The following SPOCK1 variants were observed in gnomAD, a reference collection of about 807,000 sequenced individuals.
SPOCK1 encodes the protein SPARC (osteonectin), cwcv and kazal like domains proteoglycan 1.
Under a neutral mutation model 55.3 loss-of-function variants are expected in SPOCK1, and 23 were observed. The ratio of observed to expected loss-of-function variants is 0.42; its 90% CI spans 0.30 to 0.59. The LOEUF (loss-of-function observed/expected upper bound fraction) is 0.59. Ranked by LOEUF, SPOCK1 falls within the 20% of genes least tolerant of loss-of-function variation. The probability of loss-of-function intolerance (pLI) is 0.22; values close to 1 mark genes in which losing one functional copy is unlikely to be tolerated. For synonymous variants in SPOCK1, 226 were observed against 221.0 expected (o/e 1.02, Z -0.20); for missense variants, 499 against 552.5 (o/e 0.90, Z 0.97).
At chr5:137,256,840 CAAG>C (rs1387006036) in intron 3 of SPOCK1, among the ~76,000 whole-genome samples, 1 of 152,158 alleles carries the variant, frequency 6.6e-6, no homozygotes, top group African/African-American at 2.4e-5. Flanking sequence ...AAGCAAAAGA[CAAG>C]AAGAGAAGCC....
intron 2 of SPOCK1, among the ~76,000 whole-genome samples, chr5:137,356,051 C>A (rs1750785685): frequency 1.3e-5 from 2 of 152,174 alleles, no homozygotes. Context: ...GAGAGAATAA[C>A]AGATGCCTGA....
chr5:137,121,880 A>T (rs1162603804), intron 4 of SPOCK1, among the ~76,000 whole-genome samples: 1 of 146,470 alleles, frequency 6.8e-6, no homozygotes, highest in Non-Finnish European at 1.5e-5. Context: ...ATATAATTAT[A>T]TATAATTATT....
intron 8 of SPOCK1, among the ~76,000 whole-genome samples, chr5:136,987,218 A>G (rs1392226418): frequency 2.6e-5 from 4 of 152,124 alleles, no homozygotes; most frequent in Non-Finnish European, 5.9e-5. Flanking sequence ...GAAGCCATAA[A>G]ATACAGAGAA....
chr5:137,250,770 G>C (rs1311840352), intron 3 of SPOCK1, among the ~76,000 whole-genome samples: 2 of 152,212 alleles, frequency 1.3e-5, no homozygotes, highest in Non-Finnish European at 2.9e-5. Context: ...GAGTACCAGG[G>C]ATATTTACTA....
chr5:137,468,808 G>C (rs1753674224), intron 2 of SPOCK1, among the ~76,000 whole-genome samples: 1 of 152,140 alleles, frequency 6.6e-6, no homozygotes, highest in African/African-American at 2.4e-5. Context: ...CATGATCACA[G>C]TTACATGCTT....
chr5:137,069,728 G>T (rs1402346975), intron 5 of SPOCK1, among the ~76,000 whole-genome samples: 1 of 152,122 alleles, frequency 6.6e-6, no homozygotes, highest in African/African-American at 2.4e-5. Context: ...GCCTCTTCTG[G>T]GCTAGTTCTC....
chr5:137,412,728 G>T (rs1752236349), intron 2 of SPOCK1, among the ~76,000 whole-genome samples: 1 of 152,164 alleles, frequency 6.6e-6, no homozygotes, highest in Admixed American at 6.5e-5. Context: ...TCCAAGGCAG[G>T]GACTGTGTTG....
chr5:137,095,282 G>A (rs1753124126), intron 5 of SPOCK1, among the ~76,000 whole-genome samples: 1 of 152,160 alleles, frequency 6.6e-6, no homozygotes, highest in Non-Finnish European at 1.5e-5. Flanking sequence ...AGCACCCATT[G>A]TTGAAAAATT....
At chr5:137,117,318 A>C (rs1356660550) in intron 4 of SPOCK1, among the ~76,000 whole-genome samples, 1 of 152,196 alleles carries the variant, frequency 6.6e-6, no homozygotes, top group Admixed American at 6.5e-5. Flanking sequence ...CTTCAAATCC[A>C]TTGCTTTCTG....
At chr5:137,068,651 G>A (rs1752553010) in intron 5 of SPOCK1, among the ~76,000 whole-genome samples, 1 of 152,164 alleles carries the variant, frequency 6.6e-6, no homozygotes, top group Non-Finnish European at 1.5e-5. Flanking sequence ...TATTATTCTT[G>A]CATTATGGAA....
intron 6 of SPOCK1, among the ~76,000 whole-genome samples, chr5:136,999,135 G>A (rs1751101624): frequency 6.6e-6 from 1 of 152,176 alleles, no homozygotes; most frequent in Non-Finnish European, 1.5e-5. Context: ...AGCTTGGAGT[G>A]CAGCATGAGG....
chr5:137,080,370 T>G lies in SPOCK1; in HGVS notation c.475-12541A>C, dbSNP rs907831687. 2.6e-5 allele frequency among the ~76,000 whole-genome samples: 4 copies of G among 152,374 alleles called. No homozygotes were observed. In the South Asian group the frequency reaches 8.3e-4, roughly 32 times the overall value. ...TTTTCTGATGTTTGCTCAGGTCACATGTTTTCACAGTGTTCAGGGCTGTGC... is the reference window on the plus strand; with the variant it reads ...TTTTCTGATGTTTGCTCAGGTCACAGGTTTTCACAGTGTTCAGGGCTGTGC... On this transcript the variant is annotated intron_variant, in intron 5 of 10. Coordinates refer to ENST00000394945, the MANE Select transcript of SPOCK1 (RefSeq NM_004598.4).
chr5:137,202,692 G>A (rs1001228907), intron 3 of SPOCK1, among the ~76,000 whole-genome samples: 8 of 152,150 alleles, frequency 5.3e-5, no homozygotes, highest in African/African-American at 1.9e-4. Flanking sequence ...TTCACTTGAG[G>A]AACTCTGATT....
intron 2 of SPOCK1, among the ~76,000 whole-genome samples, chr5:137,434,152 C>T (rs1270288045): frequency 6.6e-6 from 1 of 152,202 alleles, no homozygotes; most frequent in Non-Finnish European, 1.5e-5. Flanking sequence ...GGCAAAGTTG[C>T]TGAACCGAAC....
At chr5:137,252,976 A>G (rs1756565793) in intron 3 of SPOCK1, among the ~76,000 whole-genome samples, 1 of 152,142 alleles carries the variant, frequency 6.6e-6, no homozygotes, top group Admixed American at 6.5e-5. Flanking sequence ...TGTAAAGACA[A>G]TGACTTCCTA....
chr5:137,459,635 G>T (rs4608915), intron 2 of SPOCK1, among the ~76,000 whole-genome samples: 151,443 of 152,150 alleles, frequency 1, 75,373 homozygotes, highest in Middle Eastern at 1. Flanking sequence ...GGAGGTGCAT[G>T]TGGTTTCCAG....
chr5:137,411,303 G>A (rs1752203938), intron 2 of SPOCK1, among the ~76,000 whole-genome samples: 2 of 152,152 alleles, frequency 1.3e-5, no homozygotes, highest in Non-Finnish European at 2.9e-5. Context: ...ACAGAATGAG[G>A]ACGGGTAGAG....
chr5:137,362,770 C>A (rs1251040416), intron 2 of SPOCK1, among the ~76,000 whole-genome samples: 7 of 152,152 alleles, frequency 4.6e-5, no homozygotes, highest in Non-Finnish European at 8.8e-5. Flanking sequence ...TTCAAATAAA[C>A]CTCTATAAAA....
At chr5:137,340,542 G>C (rs981201537) in intron 2 of SPOCK1, among the ~76,000 whole-genome samples, 2 of 152,196 alleles carry the variant, frequency 1.3e-5, no homozygotes, top group Non-Finnish European at 2.9e-5. Context: ...TAAGAATTAA[G>C]TGAGGAAGTC....
Sources: gnomAD v4.1 joint callset for allele counts (sites outside exome capture counted in the v4.1 genomes callset) on GRCh38, gnomAD v4.1.1 for gene constraint, MANE v1.5 for transcripts, NCBI Gene and HGNC (gene_info 2026-07-23, HGNC 2026-07-21) for gene names.